AGBL1: variants seen among roughly 807,000 people sequenced by gnomAD.
AGBL1 encodes AGBL carboxypeptidase 1, also known as cytosolic carboxypeptidase 4.
Under a neutral mutation model 118.9 loss-of-function variants are expected in AGBL1, and 130 were observed. The observed-to-expected ratio is 1.09, with a 90% CI of 0.95 to 1.26. AGBL1 has a LOEUF of 1.26. AGBL1 is among the 50% of genes most tolerant of loss of function. The pLI, the probability that AGBL1 is intolerant of heterozygous loss-of-function variation, is 0.00. For synonymous variants in AGBL1, 555 were observed against 478.9 expected, an observed-to-expected ratio of 1.16 and a Z score of -2.08; for missense variants, 1,584 against 1,298.1, an observed-to-expected ratio of 1.22 and a Z score of -3.38.
intron 22 of AGBL1, among the ~76,000 whole-genome samples, chr15:86,757,490 C>T (rs1023397243): frequency 6.6e-6 from 1 of 152,058 alleles, no homozygotes; most frequent in Non-Finnish European, 1.5e-5. Context: ...TTTTGATCTT[C>T]TCAATGGCAC....
At chr15:86,680,654 C>T (rs1158048255) in intron 22 of AGBL1, among the ~76,000 whole-genome samples, 2 of 143,398 alleles carry the variant, frequency 1.4e-5, no homozygotes, top group African/African-American at 5.2e-5. Context: ...ACAACCTCTG[C>T]CTCCTGGGTA....
chr15:86,889,672 T>C (rs1414767616), intron 22 of AGBL1, among the ~76,000 whole-genome samples: 1 of 152,148 alleles, frequency 6.6e-6, no homozygotes, highest in Non-Finnish European at 1.5e-5. Context: ...CTGTATTAGT[T>C]TGCTGAGGAT....
chr15:86,576,644 G>T (rs574080289), intron 21 of AGBL1, among the ~76,000 whole-genome samples: 1 of 152,316 alleles, frequency 6.6e-6, no homozygotes, highest in South Asian at 2.1e-4. Flanking sequence ...ATATAGTTTG[G>T]CTGTGTCCTC....
At chr15:86,162,902 C>T (rs2077287003) in intron 5 of AGBL1, among the ~76,000 whole-genome samples, 1 of 152,198 alleles carries the variant, frequency 6.6e-6, no homozygotes, top group African/African-American at 2.4e-5. Flanking sequence ...CTCCAGACTT[C>T]ACTGGATGCC....
At position 86,246,161 on chromosome 15, in the gene AGBL1, A is replaced by T. The variant is rs536974031; in HGVS notation, c.527-1510A>T. Among the ~76,000 whole-genome samples, 63 of 152,286 alleles carry T rather than the reference A, an allele frequency of 4.1e-4. No homozygotes were observed. The South Asian group carries it at 0.012, about 30-fold the overall frequency. On this transcript the variant is annotated intron_variant, in intron 6 of 22. Transcript: ENST00000614907. ...CAGGCCCCCACAGTGCTGGCATTAC[A>T]GGTGTGAGCCACCACGCCCGGCCTG...
chr15:86,225,383 C>T (rs2078345825), intron 6 of AGBL1, among the ~76,000 whole-genome samples: 1 of 152,104 alleles, frequency 6.6e-6, no homozygotes, highest in Non-Finnish European at 1.5e-5. Context: ...AGAAGTATTC[C>T]TGTATTTGGT....
chr15:86,882,703 C>G (rs2141535358), intron 22 of AGBL1, among the ~76,000 whole-genome samples: 1 of 152,234 alleles, frequency 6.6e-6, no homozygotes, highest in South Asian at 2.1e-4. Flanking sequence ...AAGGCCAACT[C>G]TGTTTGGATC....
chr15:86,082,737 C>G (rs1226320510), intron 1 of AGBL1, among the ~76,000 whole-genome samples: 3 of 152,202 alleles, frequency 2.0e-5, no homozygotes, highest in African/African-American at 7.2e-5. Flanking sequence ...TTATCTCTGT[C>G]CCGAAGGTCT....
At position 86,508,183 on chromosome 15, in the gene AGBL1, A is replaced by C. The variant is rs2083003727; in HGVS notation, c.2556-14627A>C. Among the ~76,000 whole-genome samples the C allele has an allele frequency of 7.9e-5, 12 of 151,768 alleles. No individual in the cohort carries two copies. The South Asian group carries it at 2.5e-3, about 32-fold the overall frequency. On this transcript the variant is annotated intron_variant, in intron 18 of 22. Coordinates refer to ENST00000614907, the MANE Select transcript of AGBL1 (RefSeq NM_001386094.1). ...GTGATCTGCCCACCTTGGCCTCCCA[A>C]AGTGCTGGGATTACAGGCGTGAACC...
At chr15:86,937,652 T>C (rs1345620950) in intron 23 of AGBL1, among the ~76,000 whole-genome samples, 1 of 152,082 alleles carries the variant, frequency 6.6e-6, no homozygotes, top group Admixed American at 6.6e-5. Context: ...TACTTGAGGA[T>C]GGAGGATGGA....
At chr15:86,437,590 C>T (rs2082014138) in intron 18 of AGBL1, among the ~76,000 whole-genome samples, 1 of 152,202 alleles carries the variant, frequency 6.6e-6, no homozygotes, top group Non-Finnish European at 1.5e-5. Context: ...TAGTCTGTCA[C>T]AAGCCCAGCT....
In AGBL1 at chr15:86,085,041, G is replaced by T. The variant is rs545722181; in HGVS notation, c.51+5018G>T. On this transcript the variant is annotated intron_variant, in intron 1 of 22. Transcript: ENST00000614907. Reference sequence around the variant, plus strand: ...TGCCCAATAAGTAGGAGCACTTATTGTAATGAAATACAGTCACTGCCTTCA... The same window carrying T: ...TGCCCAATAAGTAGGAGCACTTATTTTAATGAAATACAGTCACTGCCTTCA... Among the ~76,000 whole-genome samples the T allele has an allele frequency of 5.9e-5, 9 of 152,312 alleles. No individual in the cohort carries two copies. The South Asian group carries it at 1.9e-3, about 32-fold the overall frequency.
At position 86,533,269 on chromosome 15, in the gene AGBL1, AAAAC is replaced by A. The variant is rs1183150188; in HGVS notation, c.2685+10337_2685+10340del. Among the ~76,000 whole-genome samples, 3 of 107,894 alleles carry A rather than the reference AAAAC, an allele frequency of 2.8e-5. 1 individual carries two copies. Among genetic ancestry groups the A allele is most frequent in the South Asian group, 3.1e-4 (1 of 3,266 alleles). The allele number at this position is 107,894 out of a possible 152,430, so 70.8% of individuals were successfully genotyped here. A position where few individuals can be genotyped will look rare whatever the true frequency, so the allele number is the denominator to read the frequency against. ...TGAACTCAAACAAATTTACAAGAAA[AAAAC>A]AAACAACCCAGTCAAAAAGTGGGCG... On this transcript the variant is annotated intron_variant, in intron 19 of 22. Transcript: ENST00000614907.
At position 86,677,246 on chromosome 15, in the gene AGBL1, C is replaced by G. The variant is rs530444514; in HGVS notation, c.3158+2810C>G. ...ACATTTTTCAAGAGCAGAGGAAGAG[C>G]AGAGATAGCGGATGTTTGCCTGGTG... On this transcript the variant is annotated intron_variant, in intron 22 of 22. Coordinates refer to ENST00000614907, the MANE Select transcript of AGBL1 (RefSeq NM_001386094.1). 3.2e-4 allele frequency among the ~76,000 whole-genome samples: 48 copies of G among 152,268 alleles called. No homozygotes were observed. In the South Asian group the frequency reaches 9.7e-3, roughly 31 times the overall value.
chr15:86,139,303 A>G (rs1422143781), intron 1 of AGBL1, among the ~76,000 whole-genome samples: 1 of 152,022 alleles, frequency 6.6e-6, no homozygotes, highest in African/African-American at 2.4e-5. Flanking sequence ...TCTCTTCTGT[A>G]TAACACCTCT....
chr15:86,391,675 C>G (rs1470187975), intron 17 of AGBL1, among the ~76,000 whole-genome samples: 2 of 95,242 alleles, frequency 2.1e-5, no homozygotes, highest in African/African-American at 8.6e-5. Context: ...TGTGGTGCTT[C>G]CATAGCATAC....
intron 22 of AGBL1, among the ~76,000 whole-genome samples, chr15:86,828,459 TA>T (rs2079061885): frequency 6.6e-6 from 1 of 152,078 alleles, no homozygotes; most frequent in East Asian, 1.9e-4. Context: ...CATGTCCTTA[TA>T]AATAGGATTA....
intron 22 of AGBL1, among the ~76,000 whole-genome samples, chr15:86,808,978 GA>G (rs1282113624): frequency 1.3e-5 from 2 of 152,156 alleles, no homozygotes; most frequent in African/African-American, 2.4e-5. Flanking sequence ...CTGATGAATG[GA>G]AAAAGGCATA....
intron 21 of AGBL1, among the ~76,000 whole-genome samples, chr15:86,596,523 C>T (rs1462492581): frequency 6.6e-6 from 1 of 152,172 alleles, no homozygotes; most frequent in Non-Finnish European, 1.5e-5. Context: ...TCCAGTACAT[C>T]TCCTCATTCA....
Sources: allele counts gnomAD v4.1 joint callset (sites outside exome capture counted in the v4.1 genomes callset), GRCh38; gene constraint gnomAD v4.1.1; transcripts MANE v1.5; gene names NCBI Gene and HGNC (gene_info 2026-07-23, HGNC 2026-07-21).